The following STK32B variants were observed in gnomAD, a reference collection of about 807,000 sequenced individuals.
The protein encoded by STK32B is serine/threonine kinase 32B.
Under a neutral mutation model 52.6 loss-of-function variants are expected in STK32B, and 43 were observed. That is an observed-to-expected ratio of 0.82 (90% confidence interval 0.64 to 1.05). The LOEUF (loss-of-function observed/expected upper bound fraction) is 1.05. Ranked by LOEUF, STK32B falls within the 50% of genes least tolerant of loss-of-function variation. The pLI, the probability that STK32B is intolerant of heterozygous loss-of-function variation, is 0.00. For synonymous variants in STK32B, 238 were observed against 204.3 expected (o/e 1.17, Z -1.41); for missense variants, 621 against 534.6 (o/e 1.16, Z -1.59).
intron 5 of STK32B, among the ~76,000 whole-genome samples, chr4:5,411,088 T>A (rs1387429406): frequency 2.0e-5 from 3 of 148,710 alleles, no homozygotes. Context: ...CAGGCTGGAG[T>A]GCAGTGGTGC....
intron 3 of STK32B, among the ~76,000 whole-genome samples, chr4:5,178,383 G>T (rs912690479): frequency 2.7e-4 from 41 of 152,334 alleles, no homozygotes; most frequent in African/African-American, 9.9e-4. Context: ...CCTGGCCCAT[G>T]AAACTATTTT....
chr4:5,022,772 G>A, the STK32B span, among the ~76,000 whole-genome samples: 5 of 152,104 alleles, frequency 3.3e-5, no homozygotes, highest in African/African-American at 9.7e-5. Context: ...TCTATTTATC[G>A]AGAGTCTGTT....
intron 3 of STK32B, among the ~76,000 whole-genome samples, chr4:5,174,737 T>C (rs1464800961): frequency 1.3e-5 from 2 of 151,342 alleles, no homozygotes; most frequent in Non-Finnish European, 3.0e-5. Context: ...CCTTAACATT[T>C]TTTCCTTCAT....
intron 4 of STK32B, among the ~76,000 whole-genome samples, chr4:5,387,826 C>A (rs1051959054): frequency 6.6e-6 from 1 of 152,196 alleles, no homozygotes; most frequent in African/African-American, 2.4e-5. Context: ...CTCACCGCAA[C>A]CTCCGCCTCC....
Position 5,051,872 on chromosome 4 carries a change from G to A in STK32B, c.9G>A (p.Gly3=). 1.3e-6 allele frequency: 2 copies of A among 1,599,802 alleles called. No individual in the cohort carries two copies. The highest frequency in any genetic ancestry group is 1.7e-6 in the Non-Finnish European group (2 of 1,173,736). Reference sequence around the variant, plus strand: ...GGCAGCAACGGCGGAATATGGGCGGGAACCACTCCCACAAGCCCCCCGTGT... The same window carrying A: ...GGCAGCAACGGCGGAATATGGGCGGAAACCACTCCCACAAGCCCCCCGTGT... The part of the protein sequence containing the change: MG[G]NHSHKPPVFD... The change falls in exon 1 of 12, where the codon GGG becomes GGA. Residue 3 remains glycine (G), a synonymous_variant. Coordinates refer to ENST00000282908, the MANE Select transcript of STK32B (RefSeq NM_018401.3).
chr4:5,205,634 G>A (rs141828319), intron 3 of STK32B, among the ~76,000 whole-genome samples: 1 of 152,102 alleles, frequency 6.6e-6, no homozygotes, highest in African/African-American at 2.4e-5. Context: ...GGGGTTGAAG[G>A]GGTAGCAGTG....
chr4:5,059,668 A>T (rs769006817), intron 1 of STK32B, among the ~76,000 whole-genome samples: 26 of 152,368 alleles, frequency 1.7e-4, no homozygotes, highest in Non-Finnish European at 2.8e-4. Flanking sequence ...CGAAGTGGAC[A>T]AAATACTCTA....
intron 1 of STK32B, among the ~76,000 whole-genome samples, chr4:5,116,997 T>A (rs1714762676): frequency 6.6e-6 from 1 of 152,242 alleles, no homozygotes; most frequent in African/African-American, 2.4e-5. Flanking sequence ...TGAGTTTGTA[T>A]CCTGCAACTT....
chr4:5,078,082 T>C (rs962055027), intron 1 of STK32B, among the ~76,000 whole-genome samples: 4 of 152,048 alleles, frequency 2.6e-5, no homozygotes, highest in African/African-American at 9.7e-5. Context: ...CAAATCCCCA[T>C]ACGATAGTGT....
chr4:5,186,993 T>C (rs1171824877), intron 3 of STK32B, among the ~76,000 whole-genome samples: 1 of 152,182 alleles, frequency 6.6e-6, no homozygotes, highest in African/African-American at 2.4e-5. Flanking sequence ...TGCTGAGCTG[T>C]TCAGAGGGCT....
chr4:5,322,490 G>GA (rs1266050304), intron 3 of STK32B, among the ~76,000 whole-genome samples: 1 of 152,174 alleles, frequency 6.6e-6, no homozygotes, highest in Non-Finnish European at 1.5e-5. Context: ...AAAAACACAG[G>GA]AGATGAGTGT....
chr4:5,188,877 G>C (rs1426194906), intron 3 of STK32B, among the ~76,000 whole-genome samples: 1 of 150,914 alleles, frequency 6.6e-6, no homozygotes, highest in Non-Finnish European at 1.5e-5. Context: ...GTGGGGGGCT[G>C]GGGGAGGAAT....
intron 4 of STK32B, among the ~76,000 whole-genome samples, chr4:5,374,447 T>C (rs1735450250): frequency 6.6e-6 from 1 of 152,210 alleles, no homozygotes; most frequent in Non-Finnish European, 1.5e-5. Flanking sequence ...AATAATAGAA[T>C]GGATTGATGT....
At chr4:5,397,438 T>G (rs1736991211) in intron 4 of STK32B, among the ~76,000 whole-genome samples, 1 of 152,228 alleles carries the variant, frequency 6.6e-6, no homozygotes, top group Non-Finnish European at 1.5e-5. Context: ...GCCTTCAGAA[T>G]GTTTCACTTG....
chr4:5,241,688 T>G (rs1190421624), intron 3 of STK32B, among the ~76,000 whole-genome samples: 1 of 152,100 alleles, frequency 6.6e-6, no homozygotes, highest in Non-Finnish European at 1.5e-5. Context: ...AACTCATCAT[T>G]TAGCATTAGG....
In STK32B at chr4:5,426,541, C is replaced by A. The variant is rs183175354; in HGVS notation, c.562+9607C>A. ...CCAACATGGAGAAACCCTGTCTCTA[C>A]TAAAAAATACAAAAAATTAACTGGG... On this transcript the variant is annotated intron_variant, in intron 6 of 11. Coordinates refer to ENST00000282908, the MANE Select transcript of STK32B (RefSeq NM_018401.3). Among the ~76,000 whole-genome samples, 6 of 151,850 alleles carry A rather than the reference C, an allele frequency of 4.0e-5. No homozygotes were observed. The East Asian group carries it at 7.7e-4, about 20-fold the overall frequency.
intron 1 of STK32B, among the ~76,000 whole-genome samples, chr4:5,068,379 T>A (rs1300626276): frequency 6.6e-6 from 1 of 152,146 alleles, no homozygotes; most frequent in East Asian, 1.9e-4. Context: ...CAACATTTGG[T>A]TTTCCACTCT....
intron 5 of STK32B, among the ~76,000 whole-genome samples, chr4:5,403,955 G>A (rs1737483734): frequency 6.6e-6 from 1 of 151,612 alleles, no homozygotes; most frequent in Admixed American, 6.6e-5. Context: ...TAAGTACATA[G>A]TAATGCACTT....
At chr4:5,328,735 G>T (rs1732034229) in intron 3 of STK32B, among the ~76,000 whole-genome samples, 1 of 152,214 alleles carries the variant, frequency 6.6e-6, no homozygotes, top group Non-Finnish European at 1.5e-5. Context: ...TTGGAAAATT[G>T]ACACTGATAG....
Sources: gnomAD v4.1 joint callset for allele counts (sites outside exome capture counted in the v4.1 genomes callset) on GRCh38, gnomAD v4.1.1 for gene constraint, MANE v1.5 for transcripts, NCBI Gene and HGNC (gene_info 2026-07-23, HGNC 2026-07-21) for gene names.